The following LRRC4C variants were observed in gnomAD, a reference collection of about 807,000 sequenced individuals.
LRRC4C encodes the protein leucine rich repeat containing 4C.
Under a neutral mutation model 33.6 loss-of-function variants are expected in LRRC4C, and 5 were observed. That is an observed-to-expected ratio of 0.15 (90% confidence interval 0.08 to 0.31). The LOEUF is 0.31. LRRC4C is among the 10% of genes least tolerant of loss of function. The pLI is 1.00. For missense variants in LRRC4C, 560 were observed against 796.7 expected, an observed-to-expected ratio of 0.70 and a Z score of 3.58; for synonymous variants, 329 against 302.0, an observed-to-expected ratio of 1.09 and a Z score of -0.93.
intron 2 of LRRC4C, among the ~76,000 whole-genome samples, chr11:40,772,422 A>G (rs919886820): frequency 6.6e-6 from 1 of 152,234 alleles, no homozygotes; most frequent in Non-Finnish European, 1.5e-5. Flanking sequence ...GTGGTGACAC[A>G]GAGCCTGACC....
At chr11:40,765,192 G>T (rs1949393023) in intron 2 of LRRC4C, among the ~76,000 whole-genome samples, 1 of 152,116 alleles carries the variant, frequency 6.6e-6, no homozygotes, top group South Asian at 2.1e-4. Context: ...GGTGGGGCTT[G>T]GTGGGAAGTG....
intron 5 of LRRC4C, among the ~76,000 whole-genome samples, chr11:40,200,801 A>C (rs148311100): frequency 6.6e-6 from 1 of 151,500 alleles, no homozygotes; most frequent in African/African-American, 2.4e-5. Flanking sequence ...AAAGAAAAGA[A>C]AAAAAATTCT....
intron 1 of LRRC4C, among the ~76,000 whole-genome samples, chr11:41,189,712 G>A (rs1400890581): frequency 2.6e-5 from 4 of 152,192 alleles, no homozygotes; most frequent in Non-Finnish European, 5.9e-5. Flanking sequence ...TATGAAATTA[G>A]AATTAGTGAT....
At chr11:40,389,477 A>ACAAC (rs1555042546) in intron 3 of LRRC4C, among the ~76,000 whole-genome samples, 1 of 151,180 alleles carries the variant, frequency 6.6e-6, no homozygotes, top group South Asian at 2.1e-4. Context: ...CTCAAAAAAA[A>ACAAC]AAATAATCAA....
At chr11:40,716,967 T>C (rs1003285844) in intron 2 of LRRC4C, among the ~76,000 whole-genome samples, 1 of 152,192 alleles carries the variant, frequency 6.6e-6, no homozygotes. Flanking sequence ...CCAATCATAC[T>C]GAGAAAGGAA....
chr11:40,780,902 C>A (rs1053292703), intron 2 of LRRC4C, among the ~76,000 whole-genome samples: 1 of 151,626 alleles, frequency 6.6e-6, no homozygotes, highest in African/African-American at 2.4e-5. Context: ...AAAAAGGGAT[C>A]AGTGAAAGAT....
intron 5 of LRRC4C, among the ~76,000 whole-genome samples, chr11:40,187,985 A>T (rs1356193128): frequency 6.6e-6 from 1 of 152,160 alleles, no homozygotes; most frequent in African/African-American, 2.4e-5. Flanking sequence ...ATATTCAGGG[A>T]TATTAATTTA....
At chr11:40,901,384 A>G (rs1956189053) in intron 2 of LRRC4C, among the ~76,000 whole-genome samples, 1 of 152,118 alleles carries the variant, frequency 6.6e-6, no homozygotes, top group Non-Finnish European at 1.5e-5. Context: ...GTAAAAACAT[A>G]TTGATACTCC....
At chr11:40,619,015 A>G (rs559499516) in intron 3 of LRRC4C, among the ~76,000 whole-genome samples, 1 of 151,838 alleles carries the variant, frequency 6.6e-6, no homozygotes, top group African/African-American at 2.4e-5. Flanking sequence ...CTTTCCAATT[A>G]AGACTTTAGA....
chr11:40,526,671 C>A lies in LRRC4C; in HGVS notation c.-270+121471G>T, dbSNP rs563036533. On this transcript the variant is annotated intron_variant, in intron 3 of 6. Coordinates refer to ENST00000528697, the MANE Select transcript of LRRC4C (RefSeq NM_001258419.2). The stretch of plus-strand genomic sequence containing the variant: ...AATATCTACTAAAATAGAATATATG[C>A]ATATACTGTATCTAGGTATAAGCCC... 3.3e-5 allele frequency among the ~76,000 whole-genome samples: 5 copies of A among 152,176 alleles called. 1 individual carries two copies. The South Asian group carries it at 1.0e-3, about 32-fold the overall frequency.
At chr11:41,392,490 C>T (rs1953639514) in intron 1 of LRRC4C, among the ~76,000 whole-genome samples, 1 of 151,170 alleles carries the variant, frequency 6.6e-6, no homozygotes, top group Admixed American at 6.6e-5. Context: ...TGGTACTTAC[C>T]GAATTTAGGA....
chr11:40,352,625 A>G (rs535610629), intron 3 of LRRC4C, among the ~76,000 whole-genome samples: 60 of 149,008 alleles, frequency 4.0e-4, no homozygotes, highest in African/African-American at 1.5e-3. Context: ...GCACACCACA[A>G]TTACAGTGTT....
At chr11:41,445,857 A>T (rs1179344703) in intron 1 of LRRC4C, among the ~76,000 whole-genome samples, 1 of 56,254 alleles carries the variant, frequency 1.8e-5, no homozygotes, top group East Asian at 3.3e-4. Context: ...TGTATGAATG[A>T]GTGACTGCAT....
At chr11:40,776,014 G>T (rs565723585) in intron 2 of LRRC4C, among the ~76,000 whole-genome samples, 1 of 151,980 alleles carries the variant, frequency 6.6e-6, no homozygotes, top group African/African-American at 2.4e-5. Flanking sequence ...AGGATTTTCT[G>T]TATCTATTGA....
intron 1 of LRRC4C, among the ~76,000 whole-genome samples, chr11:41,430,363 C>T (rs976531442): frequency 6.6e-5 from 10 of 152,158 alleles, no homozygotes; most frequent in African/African-American, 2.4e-4. Flanking sequence ...GTTTTTTCCT[C>T]ATACTGGGAA....
chr11:40,739,182 ACTTTGTACC>A (rs1469085661), intron 2 of LRRC4C, among the ~76,000 whole-genome samples: 1 of 151,886 alleles, frequency 6.6e-6, no homozygotes, highest in Admixed American at 6.6e-5. Flanking sequence ...CTTAACTGAA[ACTTTGTACC>A]CTTTAATCAC....
In LRRC4C at chr11:41,078,265, C is replaced by A. The variant is rs536119815; in HGVS notation, c.-495-144542G>T. On this transcript the variant is annotated intron_variant, in intron 1 of 6. Transcript: ENST00000528697. Reference sequence around the variant, plus strand: ...TGACATTTTCTTGTCTTCTTCTAAGCCCTCCAAACTGTTCCAACTTCTGCC... The same window carrying A: ...TGACATTTTCTTGTCTTCTTCTAAGACCTCCAAACTGTTCCAACTTCTGCC... 3.9e-5 allele frequency among the ~76,000 whole-genome samples: 6 copies of A among 152,276 alleles called. No individual in the cohort carries two copies. The East Asian group carries it at 1.2e-3, about 29-fold the overall frequency.
chr11:40,958,101 A>C (rs1959041608), intron 1 of LRRC4C, among the ~76,000 whole-genome samples: 1 of 151,676 alleles, frequency 6.6e-6, no homozygotes, highest in Admixed American at 6.6e-5. Flanking sequence ...CTATGAACCA[A>C]GAAGCAGGCC....
intron 1 of LRRC4C, among the ~76,000 whole-genome samples, chr11:40,939,572 G>C (rs896282065): frequency 2.6e-5 from 4 of 152,078 alleles, no homozygotes; most frequent in Non-Finnish European, 5.9e-5. Context: ...TTCGGCACCT[G>C]GGGATTCACC....
Sources: gnomAD v4.1 joint callset for allele counts (sites outside exome capture counted in the v4.1 genomes callset) on GRCh38, gnomAD v4.1.1 for gene constraint, MANE v1.5 for transcripts, NCBI Gene and HGNC (gene_info 2026-07-23, HGNC 2026-07-21) for gene names.